The following LENG1 variants were observed in gnomAD, a reference collection of about 807,000 sequenced individuals.
LENG1 encodes the protein leukocyte receptor cluster member 1.
In LENG1, 35 loss-of-function variants were observed where a neutral mutation model predicts 28.8. The observed-to-expected ratio is 1.22, with a 90% CI of 0.93 to 1.61. The LOEUF (loss-of-function observed/expected upper bound fraction) is 1.61. Among genes scored for constraint, LENG1 ranks in the 40% most tolerant of loss-of-function variants. LENG1 has a pLI of 0.00. For missense variants in LENG1, 404 were observed against 348.9 expected, an observed-to-expected ratio of 1.16 and a Z score of -1.26; for synonymous variants, 170 against 140.6, an observed-to-expected ratio of 1.21 and a Z score of -1.48.
At chr19:54,156,302 ACT>A (rs2075385456) in intron 3 of LENG1, among the ~76,000 whole-genome samples, 1 of 152,180 alleles carries the variant, frequency 6.6e-6, no homozygotes, top group East Asian at 1.9e-4. Flanking sequence ...GCCTGCTTTT[ACT>A]CTCTAACCCA....
At chr19:54,158,657 T>A (rs1410446078) in intron 1 of LENG1, among the ~76,000 whole-genome samples, 196 bp from the exon 2 acceptor site, 5 of 152,136 alleles carry the variant, frequency 3.3e-5, no homozygotes, top group Non-Finnish European at 5.9e-5. Flanking sequence ...TTTTGTAAAC[T>A]CCCTTTCAAA....
chr19:54,156,656 C>T, intron 3 of LENG1, 107 bp downstream of exon 3: 1 of 1,225,396 alleles, frequency 8.2e-7, no homozygotes, highest in Non-Finnish European at 1.1e-6. Flanking sequence ...GCCAGCCCTT[C>T]ACGGAGTCCC....
chr19:54,156,726 G>T (rs765143672), intron 3 of LENG1, 37 bp downstream of exon 3: 1 of 1,575,408 alleles, frequency 6.3e-7, no homozygotes, highest in Non-Finnish European at 8.6e-7. Flanking sequence ...AGCCCTGAAG[G>T]TCTGGGCCCT....
At chr19:54,157,971 A>G (rs144515855) in intron 2 of LENG1, among the ~76,000 whole-genome samples, 1 of 152,108 alleles carries the variant, frequency 6.6e-6, no homozygotes, top group Non-Finnish European at 1.5e-5. Context: ...CAGCCTCCCA[A>G]GGTGGTGGGA....
In LENG1 at chr19:54,157,186, T is replaced by TG. The variant is rs371979603; in HGVS notation, c.313-162dup. On this transcript the variant is annotated intron_variant, in intron 2 of 3. Transcript: ENST00000222224. ...AGACAAACAGAGGCAAAGCTCCCCC[T>TG]GGGGGGACAGTAGCAGGTACAGTAA... Among the ~76,000 whole-genome samples the TG allele has an allele frequency of 5.6e-3, 849 of 152,156 alleles. 6 individuals are homozygous for TG. The highest frequency in any genetic ancestry group is 0.02 in the African/African-American group (821 of 41,498).
chr19:54,156,888 G>A lies in LENG1; in HGVS notation c.450C>T (p.Ile150=). ...CCCGCAGAGGGTCCAGACGGCTCTT[G>A]ATCTTCTCATCTGGGGCTGGGCCGG... ...PPPGPAPDEK[I]KSRLDPLREM... is the part of the protein sequence containing the mutation. The change falls in exon 3 of 4, where the codon ATC becomes ATT. Residue 150 remains isoleucine, a synonymous_variant. Transcript: ENST00000222224. 1.1e-6 allele frequency: 1 copy of A among 907,812 alleles called. No individual in the cohort carries two copies. The highest frequency in any genetic ancestry group is 1.7e-6 in the Non-Finnish European group (1 of 591,974). The allele number at this position is 907,812 out of a possible 1,614,324, so 56.2% of individuals were successfully genotyped here.
chr19:54,157,048 G>A (rs2075406105), intron 2 of LENG1, 23 bp from the exon 3 acceptor site: 2 of 1,507,556 alleles, frequency 1.3e-6, no homozygotes, highest in Non-Finnish European at 1.8e-6. Context: ...GGAAATACAA[G>A]AGATGTGATA....
intron 1 of LENG1, among the ~76,000 whole-genome samples, chr19:54,159,137 C>A (rs1371273612): frequency 1.3e-5 from 2 of 152,232 alleles, no homozygotes; most frequent in Non-Finnish European, 2.9e-5. Flanking sequence ...GATGACAGTG[C>A]CCCTCTAAGA....
At chr19:54,159,479 T>C in intron 1 of LENG1, 85 bp downstream of exon 1, 1 of 1,385,930 alleles carries the variant, frequency 7.2e-7, no homozygotes, top group East Asian at 2.6e-5. Context: ...ACATTGAGCC[T>C]GCGCAACGCC....
chr19:54,157,580 G>T (rs541420551), intron 2 of LENG1, among the ~76,000 whole-genome samples: 3 of 152,166 alleles, frequency 2.0e-5, no homozygotes, highest in South Asian at 4.1e-4. Context: ...TGTTTGGCCA[G>T]GCTGGTCTTG....
Position 54,158,303 on chromosome 19 carries a change from C to T in LENG1, c.291G>A (p.Lys97=). The change falls in exon 2 of 4, where the codon AAG becomes AAA. Residue 97 remains lysine, a synonymous_variant. Transcript: ENST00000222224. Reference sequence around the variant, plus strand: ...TTACTTTCTCCTGTCGCTTTTCTTCCTTGTACTCTTTATTGCCTCTGATCA... The same window carrying T: ...TTACTTTCTCCTGTCGCTTTTCTTCTTTGTACTCTTTATTGCCTCTGATCA... The part of the protein sequence containing the change: ...KGVIRGNKEY[K]EEKRQEKERQ... The T allele has an allele frequency of 6.2e-7, 1 of 1,613,998 alleles. No homozygotes were observed. Among genetic ancestry groups the T allele is most frequent in the Non-Finnish European group, 8.5e-7 (1 of 1,179,900 alleles).
Position 54,155,566 on chromosome 19 carries a change from C to T in LENG1, c.*155G>A, listed in dbSNP as rs1475637806. 1 of 966,560 alleles carries T rather than the reference C, an allele frequency of 1.0e-6. No individual in the cohort carries two copies. The highest frequency in any genetic ancestry group is 1.5e-6 in the Non-Finnish European group (1 of 659,820). 59.9% of individuals were successfully genotyped at this position (966,560 alleles called of 1,614,324 possible). On this transcript the variant is annotated 3_prime_UTR_variant, in exon 4 of 4. Transcript: ENST00000222224. The stretch of plus-strand genomic sequence containing the variant: ...GGCCGGGAGGTTTTCCTCTCAGCCC[C>T]ACCCTGGGGGCCCGGGGGCGAGGGC...
chr19:54,156,088 C>T (rs1180040399), intron 3 of LENG1, 148 bp from the exon 4 acceptor site: 2 of 694,294 alleles, frequency 2.9e-6, no homozygotes, highest in East Asian at 2.7e-5. Flanking sequence ...GAAGCAGCCA[C>T]TTGGTGCTGG....
chr19:54,158,245 C>A lies in LENG1; in HGVS notation c.312+37G>T, dbSNP rs777719056. On this transcript the variant is annotated intron_variant, in intron 2 of 3. Coordinates refer to ENST00000222224, the MANE Select transcript of LENG1 (RefSeq NM_024316.3). Reference sequence around the variant, plus strand: ...AGTGCCCCCTCCCTCCAACTCGATTCATGGCCCCTCTGATGAAGTGGGTGA... The same window carrying A: ...AGTGCCCCCTCCCTCCAACTCGATTAATGGCCCCTCTGATGAAGTGGGTGA... 13 of 1,592,954 alleles carry A rather than the reference C, an allele frequency of 8.2e-6. No individual in the cohort carries two copies. In the East Asian group the frequency reaches 2.7e-4, roughly 33 times the overall value.
Position 54,159,666 on chromosome 19 carries a change from G to A in LENG1, c.30C>T (p.His10=). The change falls in exon 1 of 4, where the codon CAC becomes CAT. Residue 10 remains histidine, a synonymous_variant. Coordinates refer to ENST00000222224, the MANE Select transcript of LENG1 (RefSeq NM_024316.3). MNILPKKSW[H]VRNKDNVARV... ...GGGCGACATTGTCCTTGTTCCGGAC[G>A]TGCCAGCTCTTCTTGGGCAAGATAT... 1 of 1,613,372 alleles carries A rather than the reference G, an allele frequency of 6.2e-7. No individual in the cohort carries two copies. Among genetic ancestry groups the A allele is most frequent in the South Asian group, 1.1e-5 (1 of 90,962 alleles).
chr19:54,155,856 C>A lies in LENG1; in HGVS notation c.660G>T (p.Arg220=), dbSNP rs1016716064. 13 of 1,612,844 alleles carry A rather than the reference C, an allele frequency of 8.1e-6. No homozygotes were observed. The Admixed American group carries it at 8.3e-5, about 10-fold the overall frequency. The change falls in exon 4 of 4, where the codon CGG becomes CGT. Residue 220 remains arginine, a synonymous_variant. Transcript: ENST00000222224. ...ERSRAEALLA[R]VQGRALQEGQ... ...CCTCCTGTAGTGCCCGGCCTTGGAC[C>A]CGGGCCAGCAGGGCCTCTGCCCGAG...
chr19:54,158,321 T>G lies in LENG1; in HGVS notation c.273A>C (p.Arg91Ser). 6.2e-7 allele frequency: 1 copy of G among 1,614,032 alleles called. No individual in the cohort carries two copies. The highest frequency in any genetic ancestry group is 2.2e-5 in the East Asian group (1 of 44,874). ...ELLEEGKGVIRGNKEYKEEKR... is the reference protein window; with the variant it reads ...ELLEEGKGVISGNKEYKEEKR... ...TTTCTTCCTTGTACTCTTTATTGCC[T>G]CTGATCACTCCTTTCCCTTCCTCCA... Residue 91 changes from arginine to serine, a missense_variant, in exon 2 of 4, where the codon AGA becomes AGC. Arg to Ser is a moderately radical substitution (Grantham distance 110). Transcript: ENST00000222224.
At position 54,157,097 on chromosome 19, in the gene LENG1, G is replaced by A. The variant is rs1444523573; in HGVS notation, c.313-72C>T. The A allele has an allele frequency of 1.0e-5, 13 of 1,241,154 alleles. No homozygotes were observed. In the South Asian group the frequency reaches 2.0e-4, roughly 20 times the overall value. The allele number at this position is 1,241,154 out of a possible 1,614,324, so 76.9% of individuals were successfully genotyped here. On this transcript the variant is annotated intron_variant, in intron 2 of 3. Transcript: ENST00000222224. The stretch of plus-strand genomic sequence containing the variant: ...TGTCAGGTGTGTCTCCCTGACACAG[G>A]TATCTAAGCGAACAGGTATCTAAGG...
chr19:54,158,495 C>A, intron 1 of LENG1, 34 bp from the exon 2 acceptor site: 2 of 1,590,044 alleles, frequency 1.3e-6, no homozygotes, highest in Non-Finnish European at 8.6e-7. Flanking sequence ...ACATTCAGAA[C>A]CTAGAGGTAA....
Sources: allele counts gnomAD v4.1 joint callset (sites outside exome capture counted in the v4.1 genomes callset), GRCh38; gene constraint gnomAD v4.1.1; transcripts MANE v1.5; gene names NCBI Gene and HGNC (gene_info 2026-07-23, HGNC 2026-07-21).